TNPO3: variants seen among roughly 807,000 people sequenced by gnomAD.
TNPO3 encodes the protein transportin 3.
A neutral mutation model predicts 122.8 loss-of-function variants in TNPO3; 65 were observed. The observed-to-expected ratio is 0.53, with a 90% CI of 0.43 to 0.65. The LOEUF (loss-of-function observed/expected upper bound fraction) is 0.65, where lower values mean the gene tolerates loss of function less well. Ranked by LOEUF, TNPO3 falls within the 30% of genes least tolerant of loss-of-function variation. The pLI, the probability that TNPO3 is intolerant of heterozygous loss-of-function variation, is 0.00. For synonymous variants in TNPO3, 372 were observed against 411.2 expected, an observed-to-expected ratio of 0.90 and a Z score of 1.15; for missense variants, 850 against 1,136.7, an observed-to-expected ratio of 0.75 and a Z score of 3.63.
chr7:128,959,801 C>T (rs1486799785), intron 21 of TNPO3, among the ~76,000 whole-genome samples: 2 of 152,162 alleles, frequency 1.3e-5, no homozygotes, highest in South Asian at 4.1e-4. Context: ...GCGGGTAGAT[C>T]ACCTGAGGTC....
chr7:129,047,208 C>A (rs895673438), intron 1 of TNPO3, among the ~76,000 whole-genome samples: 9 of 152,200 alleles, frequency 5.9e-5, no homozygotes, highest in Non-Finnish European at 1.3e-4. Flanking sequence ...GAGGTAATAT[C>A]TAACCCAAAG....
At chr7:128,972,287 G>A in intron 19 of TNPO3, 139 bp downstream of exon 19, 1 of 970,984 alleles carries the variant, frequency 1.0e-6, no homozygotes, top group Non-Finnish European at 1.5e-6. Flanking sequence ...ATTTTGGCTA[G>A]TGAATGATCC....
At chr7:129,015,380 A>T (rs79576947) in intron 3 of TNPO3, among the ~76,000 whole-genome samples, 2 of 152,008 alleles carry the variant, frequency 1.3e-5, no homozygotes. Flanking sequence ...CATGAAAAAA[A>T]GTCCATAATG....
intron 1 of TNPO3, among the ~76,000 whole-genome samples, chr7:129,033,578 T>C (rs1030646137): frequency 6.6e-6 from 1 of 152,036 alleles, no homozygotes; most frequent in African/African-American, 2.4e-5. Context: ...CTACCATATA[T>C]TCCAAAAATC....
At chr7:129,017,082 A>T (rs1803936641) in intron 2 of TNPO3, 26 bp from the exon 3 acceptor site, 1 of 1,586,056 alleles carries the variant, frequency 6.3e-7, no homozygotes. Context: ...TAAATAAATG[A>T]AGACAGATGA....
chr7:128,998,885 GCT>G (rs1801626531), intron 7 of TNPO3, among the ~76,000 whole-genome samples: 1 of 151,074 alleles, frequency 6.6e-6, no homozygotes, highest in African/African-American at 2.4e-5. Flanking sequence ...ATGGAGTCTT[GCT>G]CTGTCACCCA....
chr7:128,961,907 A>C (rs572279876), intron 21 of TNPO3, among the ~76,000 whole-genome samples: 7 of 152,354 alleles, frequency 4.6e-5, no homozygotes, highest in African/African-American at 1.7e-4. Flanking sequence ...GCAAGTGACA[A>C]GTAGTCATAG....
At chr7:129,045,161 G>A (rs911143266) in intron 1 of TNPO3, among the ~76,000 whole-genome samples, 1 of 152,170 alleles carries the variant, frequency 6.6e-6, no homozygotes, top group South Asian at 2.1e-4. Context: ...CACATTCATA[G>A]AGACAGAAAG....
At chr7:128,975,624 GTCAGTCTCTCATTCTC>G (rs2128999778) in intron 17 of TNPO3, among the ~76,000 whole-genome samples, 179 bp downstream of exon 17, 1 of 152,256 alleles carries the variant, frequency 6.6e-6, no homozygotes, top group African/African-American at 2.4e-5. Flanking sequence ...CACTCATGTG[GTCAGTCTCTCATTCTC>G]TCAAACAGGC....
intron 1 of TNPO3, among the ~76,000 whole-genome samples, chr7:129,035,225 G>C (rs1418332400): frequency 6.6e-6 from 1 of 151,668 alleles, no homozygotes; most frequent in African/African-American, 2.4e-5. Flanking sequence ...AGTGAGCCGA[G>C]ATAGAGCCAC....
chr7:128,999,009 A>G (rs1801639526), intron 7 of TNPO3, among the ~76,000 whole-genome samples: 1 of 151,626 alleles, frequency 6.6e-6, no homozygotes, highest in African/African-American at 2.4e-5. Flanking sequence ...GCGCACCATC[A>G]CCCCAGCTAA....
chr7:129,013,253 T>A (rs912085380), intron 4 of TNPO3, among the ~76,000 whole-genome samples: 3 of 151,836 alleles, frequency 2.0e-5, no homozygotes, highest in Non-Finnish European at 4.4e-5. Context: ...AAGTAAGACC[T>A]CAAAATCAAA....
intron 3 of TNPO3, 75 bp downstream of exon 3, chr7:129,016,908 T>C: frequency 8.1e-7 from 1 of 1,229,486 alleles, no homozygotes; most frequent in Non-Finnish European, 1.2e-6. Flanking sequence ...AATATCTAGC[T>C]ATTGCTAACA....
At chr7:128,992,362 CACAGT>C (rs1400542476) in intron 9 of TNPO3, among the ~76,000 whole-genome samples, 1 of 151,976 alleles carries the variant, frequency 6.6e-6, no homozygotes, top group Non-Finnish European at 1.5e-5. Flanking sequence ...AAAAACAAAA[CACAGT>C]ATATGAGTGT....
chr7:129,017,915 A>C, intron 2 of TNPO3, 42 bp downstream of exon 2: 3 of 1,573,038 alleles, frequency 1.9e-6, no homozygotes, highest in Non-Finnish European at 2.6e-6. Context: ...GATAAATCCA[A>C]ATGGCCATAC....
At chr7:129,049,674 G>C (rs1041798596) in intron 1 of TNPO3, among the ~76,000 whole-genome samples, 1 of 152,042 alleles carries the variant, frequency 6.6e-6, no homozygotes, top group Non-Finnish European at 1.5e-5. Flanking sequence ...TTTAAAAAAG[G>C]CAAAAACACA....
At chr7:129,032,063 T>C (rs1283266376) in intron 1 of TNPO3, among the ~76,000 whole-genome samples, 2 of 128,426 alleles carry the variant, frequency 1.6e-5, no homozygotes, top group Non-Finnish European at 3.4e-5. Flanking sequence ...TGGCTCAACA[T>C]ATGAAAATAA....
intron 1 of TNPO3, among the ~76,000 whole-genome samples, chr7:129,022,176 G>A (rs1407555289): frequency 1.3e-5 from 2 of 152,104 alleles, no homozygotes; most frequent in African/African-American, 2.4e-5. Flanking sequence ...CTTGAGGCCA[G>A]GAGTTTGGGA....
intron 1 of TNPO3, among the ~76,000 whole-genome samples, chr7:129,038,379 G>C (rs144374970): frequency 6.6e-6 from 1 of 152,204 alleles, no homozygotes. Context: ...CACACTGTTG[G>C]TGGGAGTGTA....
Sources: allele counts gnomAD v4.1 joint callset (sites outside exome capture counted in the v4.1 genomes callset), GRCh38; gene constraint gnomAD v4.1.1; transcripts MANE v1.5; gene names NCBI Gene and HGNC (gene_info 2026-07-23, HGNC 2026-07-21).